EXOC4: variants seen among roughly 807,000 people sequenced by gnomAD.
EXOC4 encodes the protein exocyst complex component 4.
In EXOC4, 71 loss-of-function variants were observed where a neutral mutation model predicts 107.2. That is an observed-to-expected ratio of 0.66 (90% CI 0.55 to 0.81). The LOEUF is 0.81. Among genes scored for constraint, EXOC4 ranks in the 30% least tolerant of loss-of-function variants. The pLI, the probability that EXOC4 is intolerant of heterozygous loss-of-function variation, is 0.00. For synonymous variants in EXOC4, 456 were observed against 441.2 expected (o/e 1.03, Z -0.42); for missense variants, 1,108 against 1,189.6 (o/e 0.93, Z 1.01).
At chr7:133,755,243 A>ATT (rs1491326726) in intron 10 of EXOC4, among the ~76,000 whole-genome samples, 8 of 91,066 alleles carry the variant, frequency 8.8e-5, no homozygotes, top group East Asian at 2.6e-4. Context: ...TAATATATAT[A>ATT]ATATATATAT....
In EXOC4 at chr7:133,277,639, T is replaced by G. The variant is rs76340964; in HGVS notation, c.276+2468T>G. Among the ~76,000 whole-genome samples, 977 of 152,338 alleles carry G rather than the reference T, an allele frequency of 6.4e-3. 7 individuals are homozygous for G. The highest frequency in any genetic ancestry group is 0.022 in the African/African-American group (935 of 41,580). ...ATAACAATGAAAACTTTATTATATC[T>G]GATAATTGTCACGAAAGTAAATGTC... On this transcript the variant is annotated intron_variant, in intron 2 of 17. Coordinates refer to ENST00000253861, the MANE Select transcript of EXOC4 (RefSeq NM_021807.4).
At chr7:133,282,252 C>A (rs531906289) in intron 2 of EXOC4, among the ~76,000 whole-genome samples, 1 of 152,156 alleles carries the variant, frequency 6.6e-6, no homozygotes, top group African/African-American at 2.4e-5. Context: ...GCCCTGTTTT[C>A]TTTCTTTTCT....
chr7:133,394,610 T>C, intron 7 of EXOC4, among the ~76,000 whole-genome samples: 1 of 152,130 alleles, frequency 6.6e-6, no homozygotes, highest in Non-Finnish European at 1.5e-5. Context: ...GCTATAGAAA[T>C]GTAAGGCTTT....
intron 5 of EXOC4, 66 bp from the exon 6 acceptor site, chr7:133,356,264 G>A: frequency 1.3e-6 from 2 of 1,527,048 alleles, no homozygotes; most frequent in Non-Finnish European, 8.9e-7. Flanking sequence ...TCGTTTATTA[G>A]ACTGCTCTGT....
intron 9 of EXOC4, among the ~76,000 whole-genome samples, chr7:133,553,706 T>A (rs1800635028): frequency 6.6e-6 from 1 of 152,182 alleles, no homozygotes; most frequent in African/African-American, 2.4e-5. Flanking sequence ...GAATAGATAA[T>A]GGTAGGAATG....
chr7:133,406,727 G>T (rs1797229546), intron 7 of EXOC4, among the ~76,000 whole-genome samples: 1 of 152,188 alleles, frequency 6.6e-6, no homozygotes, highest in Non-Finnish European at 1.5e-5. Flanking sequence ...ATCTGCTTCT[G>T]CAGAAAGTTT....
At chr7:133,968,294 A>G (rs1249346407) in intron 14 of EXOC4, among the ~76,000 whole-genome samples, 2 of 152,060 alleles carry the variant, frequency 1.3e-5, no homozygotes, top group South Asian at 2.1e-4. Context: ...ACTCTATCCA[A>G]TTTGCCAGTC....
intron 9 of EXOC4, among the ~76,000 whole-genome samples, chr7:133,596,070 T>C (rs1461918448): frequency 1.3e-5 from 2 of 152,226 alleles, no homozygotes; most frequent in Non-Finnish European, 2.9e-5. Flanking sequence ...GTTTTCCGCT[T>C]CCGCCCTTGT....
chr7:133,855,009 CTA>C (rs2116283874), intron 11 of EXOC4, among the ~76,000 whole-genome samples: 1 of 138,618 alleles, frequency 7.2e-6, no homozygotes, highest in South Asian at 2.2e-4. Context: ...AATGGCTTCT[CTA>C]TTCCTAAGGC....
At chr7:133,476,218 T>C (rs947825225) in intron 8 of EXOC4, among the ~76,000 whole-genome samples, 9 of 152,208 alleles carry the variant, frequency 5.9e-5, no homozygotes, top group Non-Finnish European at 1.0e-4. Context: ...TCATAGCTTA[T>C]TTTATTTACT....
chr7:133,474,415 C>G (rs1316806009), intron 7 of EXOC4, among the ~76,000 whole-genome samples: 1 of 151,768 alleles, frequency 6.6e-6, no homozygotes, highest in African/African-American at 2.4e-5. Flanking sequence ...TCAAGTGATT[C>G]TTGTGCCTCA....
At chr7:134,027,510 T>C (rs1795167764) in intron 17 of EXOC4, among the ~76,000 whole-genome samples, 1 of 151,646 alleles carries the variant, frequency 6.6e-6, no homozygotes, top group South Asian at 2.1e-4. Flanking sequence ...ATACAAAAAT[T>C]AGCTAGGTGT....
intron 2 of EXOC4, among the ~76,000 whole-genome samples, chr7:133,286,663 A>G (rs1011709012): frequency 6.6e-6 from 1 of 152,250 alleles, no homozygotes; most frequent in Non-Finnish European, 1.5e-5. Context: ...CACTTGGACC[A>G]GTTCACTTTC....
At chr7:133,615,606 T>C (rs1465290887) in intron 9 of EXOC4, among the ~76,000 whole-genome samples, 1 of 152,182 alleles carries the variant, frequency 6.6e-6, no homozygotes, top group African/African-American at 2.4e-5. Flanking sequence ...GCAGTCTTTT[T>C]GTTTTAATTT....
intron 7 of EXOC4, among the ~76,000 whole-genome samples, chr7:133,397,287 C>A (rs1037163109): frequency 3.2e-5 from 1 of 31,202 alleles, no homozygotes; most frequent in Non-Finnish European, 6.4e-5. Context: ...CCACACCCAG[C>A]CAAATTTTTT....
At chr7:133,254,408 A>G (rs910011027) in intron 1 of EXOC4, among the ~76,000 whole-genome samples, 1 of 152,224 alleles carries the variant, frequency 6.6e-6, no homozygotes, top group Non-Finnish European at 1.5e-5. Flanking sequence ...CTGTGACAAT[A>G]CGCAGGTAGT....
At chr7:133,350,193 A>AT (rs1388098792) in intron 5 of EXOC4, among the ~76,000 whole-genome samples, 2 of 151,722 alleles carry the variant, frequency 1.3e-5, no homozygotes, top group African/African-American at 4.8e-5. Flanking sequence ...GTCCAATTTG[A>AT]TTTTTTCTTT....
Position 133,878,610 on chromosome 7 carries a change from C to G in EXOC4, c.1735-16989C>G, listed in dbSNP as rs1798898756. Among the ~76,000 whole-genome samples, 3 of 152,186 alleles carry G rather than the reference C, an allele frequency of 2.0e-5. No individual in the cohort carries two copies. In the South Asian group the frequency reaches 6.2e-4, roughly 31 times the overall value. ...GAGGCTTGTGACCTTCTAATCCCTC[C>G]ATTGTGTAGTTTGATTTTTGTTGTG... On this transcript the variant is annotated intron_variant, in intron 11 of 17. Transcript: ENST00000253861.
At chr7:133,662,045 G>A (rs1284185346) in intron 10 of EXOC4, among the ~76,000 whole-genome samples, 2 of 152,050 alleles carry the variant, frequency 1.3e-5, no homozygotes, top group African/African-American at 4.8e-5. Context: ...ACTCCACGAA[G>A]GTAGTATTAA....
Sources: gnomAD v4.1 joint callset for allele counts (sites outside exome capture counted in the v4.1 genomes callset) on GRCh38, gnomAD v4.1.1 for gene constraint, MANE v1.5 for transcripts, NCBI Gene and HGNC (gene_info 2026-07-23, HGNC 2026-07-21) for gene names.